Variants in REEP3 observed in about 807,000 individuals in gnomAD.
REEP3 encodes receptor accessory protein 3, also known as receptor expression-enhancing protein 3.
REEP3 carries 20 observed loss-of-function variants against 41.3 expected under a neutral mutation model. The ratio of observed to expected loss-of-function variants is 0.48; its 90% CI spans 0.34 to 0.70. The LOEUF (loss-of-function observed/expected upper bound fraction) is 0.70. Among genes scored for constraint, REEP3 ranks in the 30% least tolerant of loss-of-function variants. REEP3 has a pLI of 0.01. For synonymous variants in REEP3, 104 were observed against 101.8 expected, an observed-to-expected ratio of 1.02 and a Z score of -0.13; for missense variants, 271 against 308.8, an observed-to-expected ratio of 0.88 and a Z score of 0.92.
At chr10:63,572,549 GT>G (rs914850273) in intron 2 of REEP3, among the ~76,000 whole-genome samples, 5 of 152,080 alleles carry the variant, frequency 3.3e-5, no homozygotes, top group African/African-American at 1.2e-4. Flanking sequence ...TAAACTGACT[GT>G]TAACAGTTTT....
At chr10:63,610,016 T>G (rs1159181618) in intron 5 of REEP3, among the ~76,000 whole-genome samples, 171 bp from the exon 6 acceptor site, 1 of 152,148 alleles carries the variant, frequency 6.6e-6, no homozygotes, top group East Asian at 1.9e-4. Flanking sequence ...CATGGATAGG[T>G]AGATGGTAGG....
At chr10:63,569,599 G>C (rs1340402415) in intron 2 of REEP3, among the ~76,000 whole-genome samples, 2 of 151,826 alleles carry the variant, frequency 1.3e-5, no homozygotes, top group African/African-American at 4.8e-5. Flanking sequence ...AAACGTCAAA[G>C]GTAAAGGGAT....
intron 1 of REEP3, among the ~76,000 whole-genome samples, chr10:63,524,007 T>C (rs1032469961): frequency 6.6e-6 from 1 of 152,120 alleles, no homozygotes; most frequent in African/African-American, 2.4e-5. Flanking sequence ...ATGTAAGGTT[T>C]GAGGCTAACG....
At chr10:63,548,717 C>T (rs1379458677) in intron 1 of REEP3, among the ~76,000 whole-genome samples, 1 of 151,548 alleles carries the variant, frequency 6.6e-6, no homozygotes, top group Non-Finnish European at 1.5e-5. Flanking sequence ...TGCGATGGGC[C>T]CTCCCATTGA....
At chr10:63,536,676 A>C (rs966165586) in intron 1 of REEP3, among the ~76,000 whole-genome samples, 1 of 152,158 alleles carries the variant, frequency 6.6e-6, no homozygotes, top group Non-Finnish European at 1.5e-5. Flanking sequence ...AAAAAAAATT[A>C]ACCTAAAAAG....
chr10:63,556,857 G>A (rs191934890), intron 1 of REEP3, among the ~76,000 whole-genome samples: 254 of 150,498 alleles, frequency 1.7e-3, no homozygotes, highest in African/African-American at 5.4e-3. Context: ...GGATGGTCTC[G>A]ATCTCCTGAC....
intron 1 of REEP3, among the ~76,000 whole-genome samples, chr10:63,531,950 A>G (rs546727667): frequency 3.3e-5 from 5 of 152,338 alleles, no homozygotes; most frequent in Admixed American, 6.5e-5. Flanking sequence ...CAAAATTCCT[A>G]TGTTTACAGA....
chr10:63,535,971 A>G (rs1183363415), intron 1 of REEP3, among the ~76,000 whole-genome samples: 1 of 152,202 alleles, frequency 6.6e-6, no homozygotes, highest in Non-Finnish European at 1.5e-5. Flanking sequence ...GAAGCAACAG[A>G]TAACATTTGT....
intron 5 of REEP3, among the ~76,000 whole-genome samples, chr10:63,606,364 T>TTC (rs10687622): frequency 6.7e-6 from 1 of 150,350 alleles, no homozygotes; most frequent in Admixed American, 6.6e-5. Flanking sequence ...CTTTCTTTCT[T>TTC]TGTCTTTCTT....
intron 5 of REEP3, among the ~76,000 whole-genome samples, chr10:63,600,619 A>C (rs970311944): frequency 6.6e-6 from 1 of 152,232 alleles, no homozygotes; most frequent in Admixed American, 6.5e-5. Context: ...CTGCTAAAAA[A>C]GATTATCCAG....
chr10:63,619,849 C>T, intron 7 of REEP3, 49 bp downstream of exon 7: 2 of 1,510,104 alleles, frequency 1.3e-6, no homozygotes, highest in Non-Finnish European at 1.8e-6. Flanking sequence ...AAGGATTTCC[C>T]TGCTGTGTTA....
In REEP3 at chr10:63,580,860, A is replaced by G. The variant is rs79459579; in HGVS notation, c.106-13918A>G. Among the ~76,000 whole-genome samples, 497 of 152,220 alleles carry G rather than the reference A, an allele frequency of 3.3e-3. 1 individual carries two copies. Among genetic ancestry groups the G allele is most frequent in the African/African-American group, 0.011 (472 of 41,522 alleles). On this transcript the variant is annotated intron_variant, in intron 2 of 7. Transcript: ENST00000373758. ...AGACCCTACCTCTACAAAAAAAATA[A>G]AAATAGCCGGGCATAGAGACATGTG...
At chr10:63,573,753 A>G (rs1045882891) in intron 2 of REEP3, among the ~76,000 whole-genome samples, 1 of 152,230 alleles carries the variant, frequency 6.6e-6, no homozygotes, top group Non-Finnish European at 1.5e-5. Context: ...TAGAGTGGAA[A>G]TAGAAGGGGA....
At chr10:63,542,288 T>C (rs574799073) in intron 1 of REEP3, among the ~76,000 whole-genome samples, 1 of 152,102 alleles carries the variant, frequency 6.6e-6, no homozygotes. Context: ...TGCTGGCCAG[T>C]TGGTCTCGAA....
intron 5 of REEP3, 81 bp downstream of exon 5, chr10:63,599,364 A>G: frequency 3.6e-6 from 2 of 558,628 alleles, no homozygotes; most frequent in Non-Finnish European, 5.9e-6. Context: ...AACCATTATA[A>G]AATTGTGGCA....
intron 1 of REEP3, among the ~76,000 whole-genome samples, chr10:63,525,562 A>G (rs560818568): frequency 3.5e-4 from 53 of 152,036 alleles, no homozygotes; most frequent in African/African-American, 1.2e-3. Context: ...GGGATTACAG[A>G]CATGTGCTAC....
chr10:63,566,340 T>C lies in REEP3; in HGVS notation c.35T>C (p.Leu12Pro), dbSNP rs1955798621. The C allele has an allele frequency of 1.3e-6, 2 of 1,541,608 alleles. No individual in the cohort carries two copies. Among genetic ancestry groups the C allele is most frequent in the African/African-American group, 1.4e-5 (1 of 73,092 alleles). ...ATTCTCATTTTTTTTACTTTTAGGCTGGTGTTTGGAATGCTTTATCCTGCA... is the reference window on the plus strand; with the variant it reads ...ATTCTCATTTTTTTTACTTTTAGGCCGGTGTTTGGAATGCTTTATCCTGCA... ...VSWMISRAVV[L>P]VFGMLYPAYY... Residue 12 changes from leucine (L) to proline (P), a missense_variant and splice_region_variant, in exon 2 of 8, where the codon CTG becomes CCG. Physicochemically the swap from Leu to Pro is moderately conservative, Grantham distance 98. Coordinates refer to ENST00000373758, the MANE Select transcript of REEP3 (RefSeq NM_001001330.3).
chr10:63,586,028 G>C (rs1181183889), intron 2 of REEP3, among the ~76,000 whole-genome samples: 1 of 152,160 alleles, frequency 6.6e-6, no homozygotes, highest in Admixed American at 6.5e-5. Context: ...TATTGAAAAT[G>C]TTAAGAGATC....
At chr10:63,611,825 C>G (rs1352192306) in intron 6 of REEP3, among the ~76,000 whole-genome samples, 1 of 148,902 alleles carries the variant, frequency 6.7e-6, no homozygotes, top group African/African-American at 2.5e-5. Context: ...TGGTATTCAC[C>G]GAGCTACTTG....
Sources: gnomAD v4.1 joint callset for allele counts (sites outside exome capture counted in the v4.1 genomes callset) on GRCh38, gnomAD v4.1.1 for gene constraint, MANE v1.5 for transcripts, NCBI Gene and HGNC (gene_info 2026-07-23, HGNC 2026-07-21) for gene names.